The following MROH2B variants were observed in gnomAD, a reference collection of about 807,000 sequenced individuals.
MROH2B encodes the protein maestro heat-like repeat-containing protein family member 2B.
In MROH2B, 177 loss-of-function variants were observed where a neutral mutation model predicts 208.6. The observed-to-expected ratio is 0.85, with a 90% CI of 0.75 to 0.96. MROH2B has a LOEUF of 0.96. Ranked by LOEUF, MROH2B falls within the 40% of genes least tolerant of loss-of-function variation. The pLI, the probability that MROH2B is intolerant of heterozygous loss-of-function variation, is 0.00. For missense variants in MROH2B, 2,002 were observed against 1,878.7 expected (o/e 1.07, Z -1.21); for synonymous variants, 728 against 659.0 (o/e 1.10, Z -1.60).
intron 24 of MROH2B, among the ~76,000 whole-genome samples, chr5:41,031,601 T>C (rs1467835761): frequency 6.6e-6 from 1 of 152,120 alleles, no homozygotes; most frequent in East Asian, 1.9e-4. Flanking sequence ...TCTTCCATCT[T>C]TTATTTTAGG....
intron 19 of MROH2B, among the ~76,000 whole-genome samples, chr5:41,040,750 T>A (rs565858960): frequency 3.9e-5 from 6 of 152,188 alleles, no homozygotes; most frequent in Non-Finnish European, 8.8e-5. Context: ...CACTGCAACC[T>A]CCCCTCCTGG....
At chr5:41,031,828 T>G (rs570177788) in intron 24 of MROH2B, among the ~76,000 whole-genome samples, 1 of 152,188 alleles carries the variant, frequency 6.6e-6, no homozygotes, top group East Asian at 1.9e-4. Flanking sequence ...ATAAAATTAG[T>G]GGTATTTGGT....
chr5:40,999,873 C>G (rs1025705449), intron 39 of MROH2B, 94 bp from the exon 40 acceptor site: 1 of 1,059,328 alleles, frequency 9.4e-7, no homozygotes, highest in African/African-American at 1.6e-5. Context: ...TTTGTAAAGG[C>G]CAGTGAGCAC....
intron 35 of MROH2B, 116 bp downstream of exon 35, chr5:41,005,415 C>CT: frequency 2.4e-5 from 4 of 165,198 alleles, no homozygotes; most frequent in South Asian, 1.5e-4. Context: ...TCTATGAAAC[C>CT]CCCCCCCCCC....
chr5:41,024,705 T>G (rs1384191941), intron 24 of MROH2B, among the ~76,000 whole-genome samples: 1 of 152,102 alleles, frequency 6.6e-6, no homozygotes, highest in Non-Finnish European at 1.5e-5. Flanking sequence ...TCTACAGAAC[T>G]CTCCACCCCA....
intron 30 of MROH2B, among the ~76,000 whole-genome samples, chr5:41,011,064 T>C (rs774450190): frequency 4.6e-5 from 7 of 152,170 alleles, no homozygotes; most frequent in Admixed American, 3.9e-4. Context: ...ATAGAAAAGA[T>C]GAACCCAGAT....
chr5:41,009,577 T>G (rs1051475331), intron 31 of MROH2B, among the ~76,000 whole-genome samples, 171 bp from the exon 32 acceptor site: 17 of 152,174 alleles, frequency 1.1e-4, no homozygotes, highest in Admixed American at 2.0e-4. Context: ...AATTCAGCAT[T>G]CTAGCCTTGG....
chr5:41,007,195 C>G lies in MROH2B; in HGVS notation c.3749+119G>C, dbSNP rs1166543229. ...TCTTTCTTTCCTGTTTGTCCTCCTT[C>G]GACTATTAGTCCTAAGTGAATCAAT... is the stretch of plus-strand genomic sequence containing the variant. On this transcript the variant is annotated intron_variant, in intron 34 of 41. Coordinates refer to ENST00000399564, the MANE Select transcript of MROH2B (RefSeq NM_173489.5). 4 of 992,198 alleles carry G rather than the reference C, an allele frequency of 4.0e-6. No individual in the cohort carries two copies. In the East Asian group the frequency reaches 1.3e-4, roughly 32 times the overall value. 61.5% of individuals were successfully genotyped at this position (992,198 alleles called of 1,614,324 possible). A position where few individuals can be genotyped will look rare whatever the true frequency, so the allele number is the denominator to read the frequency against.
At chr5:41,044,424 A>G (rs1358114783) in intron 18 of MROH2B, among the ~76,000 whole-genome samples, 1 of 152,190 alleles carries the variant, frequency 6.6e-6, no homozygotes, top group Non-Finnish European at 1.5e-5. Context: ...TGATGCAGCA[A>G]AAGTGAATTA....
intron 24 of MROH2B, among the ~76,000 whole-genome samples, chr5:41,025,036 A>G (rs531174089): frequency 1.1e-3 from 169 of 152,236 alleles, no homozygotes; most frequent in African/African-American, 4.0e-3. Context: ...ATTTAAAGCA[A>G]TGTGTAGAGG....
intron 26 of MROH2B, 90 bp from the exon 27 acceptor site, chr5:41,018,520 A>T: frequency 6.7e-7 from 1 of 1,485,558 alleles, no homozygotes; most frequent in Admixed American, 2.0e-5. Flanking sequence ...CCTCTTTTGT[A>T]ACACGGTGCT....
At chr5:41,036,448 T>C (rs1480539759) in intron 21 of MROH2B, among the ~76,000 whole-genome samples, 3 of 152,136 alleles carry the variant, frequency 2.0e-5, no homozygotes, top group African/African-American at 7.2e-5. Flanking sequence ...TTAAACATTG[T>C]TTTCTTCCCA....
At chr5:41,036,049 T>C (rs532131712) in intron 21 of MROH2B, among the ~76,000 whole-genome samples, 1 of 152,164 alleles carries the variant, frequency 6.6e-6, no homozygotes, top group South Asian at 2.1e-4. Context: ...TGTTCATTGC[T>C]TCATTATTCA....
At chr5:41,067,415 G>T (rs1159849181) in intron 2 of MROH2B, among the ~76,000 whole-genome samples, 197 bp from the exon 3 acceptor site, 1 of 151,688 alleles carries the variant, frequency 6.6e-6, no homozygotes, top group Non-Finnish European at 1.5e-5. Flanking sequence ...TGGCCAGGCT[G>T]GAGTGCAATG....
chr5:41,017,875 TGA>T lies in MROH2B; in HGVS notation c.2857_2858del (p.Ser953AsnfsTer27), dbSNP rs1436590451. On this transcript the variant is annotated frameshift_variant, in exon 28 of 42. Coordinates refer to ENST00000399564, the MANE Select transcript of MROH2B (RefSeq NM_173489.5). LOFTEE classifies it high-confidence loss of function. ...CTTTTATATAGAACAGACCAATAGTTGAGCTAGCAGCCGCCTGACGGATGGTG... is the reference window on the plus strand; with the variant it reads ...CTTTTATATAGAACAGACCAATAGTTGCTAGCAGCCGCCTGACGGATGGTG... Reference protein sequence around the residue: ...LPTIRQAAASSTIGLFYIKGI... With the variant: ...LPTIRQAAASXTIGLFYIKGI... 3.1e-6 allele frequency: 5 copies of T among 1,595,416 alleles called. No homozygotes were observed. The highest frequency in any genetic ancestry group is 4.3e-6 in the Non-Finnish European group (5 of 1,170,686).
chr5:41,044,920 A>G, intron 18 of MROH2B, among the ~76,000 whole-genome samples: 1 of 152,190 alleles, frequency 6.6e-6, no homozygotes, highest in East Asian at 1.9e-4. Context: ...GGGACTTTAT[A>G]TACTTTATCT....
At chr5:41,027,377 AG>A (rs1185685843) in intron 24 of MROH2B, among the ~76,000 whole-genome samples, 2 of 152,366 alleles carry the variant, frequency 1.3e-5, no homozygotes, top group East Asian at 1.9e-4. Context: ...AAGTGGGCAA[AG>A]GATATGAACA....
chr5:41,040,760 G>C (rs1254954924), intron 19 of MROH2B, among the ~76,000 whole-genome samples: 1 of 152,016 alleles, frequency 6.6e-6, no homozygotes, highest in African/African-American at 2.4e-5. Context: ...TCCCCTCCTG[G>C]GTTCACGCGA....
intron 24 of MROH2B, among the ~76,000 whole-genome samples, chr5:41,025,722 G>A (rs566361857): frequency 1.3e-5 from 2 of 152,148 alleles, no homozygotes; most frequent in East Asian, 1.9e-4. Context: ...GCCTGGCAGA[G>A]ACACAACAAA....
Sources: gnomAD v4.1 joint callset for allele counts (sites outside exome capture counted in the v4.1 genomes callset) on GRCh38, gnomAD v4.1.1 for gene constraint, MANE v1.5 for transcripts, NCBI Gene and HGNC (gene_info 2026-07-23, HGNC 2026-07-21) for gene names.